The following LRRIQ3 variants were observed in gnomAD, a reference collection of about 807,000 sequenced individuals.
The protein encoded by LRRIQ3 is leucine-rich repeat and IQ domain-containing protein 3.
Under a neutral mutation model 59.3 loss-of-function variants are expected in LRRIQ3, and 75 were observed. That is an observed-to-expected ratio of 1.26 (90% CI 1.05 to 1.53). The LOEUF (loss-of-function observed/expected upper bound fraction) is 1.53, where lower values mean the gene tolerates loss of function less well. LRRIQ3 is among the 40% of genes most tolerant of loss of function. LRRIQ3 has a pLI of 0.00. For synonymous variants in LRRIQ3, 250 were observed against 231.3 expected (o/e 1.08, Z -0.73); for missense variants, 831 against 710.0 (o/e 1.17, Z -1.94).
intron 6 of LRRIQ3, among the ~76,000 whole-genome samples, chr1:74,068,466 T>C (rs1654928215): frequency 6.6e-6 from 1 of 151,550 alleles, no homozygotes; most frequent in Non-Finnish European, 1.5e-5. Flanking sequence ...ACATAATTTT[T>C]ACATAACTGC....
intron 4 of LRRIQ3, among the ~76,000 whole-genome samples, chr1:74,140,335 A>T (rs956435267): frequency 6.6e-6 from 1 of 151,896 alleles, no homozygotes; most frequent in Non-Finnish European, 1.5e-5. Context: ...GAGTCATTTC[A>T]TAAAGATAAA....
intron 7 of LRRIQ3, among the ~76,000 whole-genome samples, chr1:74,039,966 G>T (rs536562595): frequency 1.3e-5 from 2 of 152,094 alleles, no homozygotes; most frequent in African/African-American, 4.8e-5. Flanking sequence ...TGGGCTAAAT[G>T]CCCCAATTAA....
chr1:74,058,837 T>C (rs1249080163), intron 6 of LRRIQ3, among the ~76,000 whole-genome samples: 1 of 152,066 alleles, frequency 6.6e-6, no homozygotes, highest in Non-Finnish European at 1.5e-5. Flanking sequence ...CCCATAAATA[T>C]GTATAATTAT....
chr1:74,122,814 C>T (rs1031867850), intron 4 of LRRIQ3, among the ~76,000 whole-genome samples: 1 of 152,008 alleles, frequency 6.6e-6, no homozygotes, highest in Non-Finnish European at 1.5e-5. Flanking sequence ...GCAACAAAAG[C>T]CAAAATTGAC....
At chr1:74,052,673 T>G (rs1429299715) in intron 6 of LRRIQ3, among the ~76,000 whole-genome samples, 1 of 152,168 alleles carries the variant, frequency 6.6e-6, no homozygotes, top group Non-Finnish European at 1.5e-5. Context: ...AATACAGATT[T>G]ACTATCTTTA....
At chr1:74,067,379 G>A (rs144453737) in intron 6 of LRRIQ3, among the ~76,000 whole-genome samples, 298 of 152,190 alleles carry the variant, frequency 2.0e-3, no homozygotes, top group South Asian at 0.012. Context: ...TCTGCTTTCC[G>A]TGTGGAGTTA....
At chr1:74,184,463 A>G (rs1225372567) in intron 1 of LRRIQ3, among the ~76,000 whole-genome samples, 1 of 152,176 alleles carries the variant, frequency 6.6e-6, no homozygotes, top group Admixed American at 6.5e-5. Context: ...AGTATGTTTT[A>G]AGATCAACAT....
intron 6 of LRRIQ3, among the ~76,000 whole-genome samples, chr1:74,073,230 T>C (rs1655075673): frequency 6.6e-6 from 1 of 152,068 alleles, no homozygotes; most frequent in South Asian, 2.1e-4. Context: ...CCAAGACTTT[T>C]GGCCAGGCAA....
At chr1:74,035,785 T>C (rs1168051151) in intron 7 of LRRIQ3, among the ~76,000 whole-genome samples, 1 of 152,114 alleles carries the variant, frequency 6.6e-6, no homozygotes, top group East Asian at 1.9e-4. Context: ...CTACTCTTCA[T>C]AAACTTTCTG....
Position 74,183,547 on chromosome 1 carries a change from C to CA in LRRIQ3, c.137dup (p.Leu46PhefsTer8). On this transcript the variant is annotated frameshift_variant, in exon 2 of 8. Transcript: ENST00000354431. LOFTEE classifies it high-confidence loss of function. ...ATACTCTAAGAGAGATGCAAGACTG[C>CA]AAATTTTCCATAGACTTTAAATGAA... 6.2e-7 allele frequency: 1 copy of CA among 1,612,078 alleles called. No homozygotes were observed. The highest frequency in any genetic ancestry group is 8.5e-7 in the Non-Finnish European group (1 of 1,178,874).
rs377682283 is a variant in LRRIQ3, at chr1:74,026,955, T to C, written c.1733A>G (p.Tyr578Cys). Residue 578 changes from tyrosine to cysteine, a missense_variant, in exon 8 of 8, where the codon TAT becomes TGT. Coordinates refer to ENST00000354431, the MANE Select transcript of LRRIQ3 (RefSeq NM_001105659.2). Reference protein sequence around the residue: ...EMKKVRSQEIYKRHCEEKFVM... With the variant: ...EMKKVRSQEICKRHCEEKFVM... ...AAATTTTTCTTCACAATGTCTTTTA[T>C]ATATTTCTTGAGATCTAAGAGGAGA... 4.5e-6 allele frequency: 7 copies of C among 1,562,104 alleles called. No homozygotes were observed. The highest frequency in any genetic ancestry group is 1.8e-5 in the Admixed American group (1 of 54,670).
intron 1 of LRRIQ3, among the ~76,000 whole-genome samples, chr1:74,187,575 G>A (rs1650484818): frequency 6.6e-6 from 1 of 152,002 alleles, no homozygotes; most frequent in South Asian, 2.1e-4. Context: ...TGTACTTTGA[G>A]GACTCAAGGG....
At chr1:74,190,064 G>C (rs934831203) in intron 1 of LRRIQ3, among the ~76,000 whole-genome samples, 2 of 152,068 alleles carry the variant, frequency 1.3e-5, no homozygotes, top group Non-Finnish European at 2.9e-5. Context: ...TTAGAAAGCT[G>C]AACAAACTAA....
At chr1:74,122,903 T>C (rs953960746) in intron 4 of LRRIQ3, among the ~76,000 whole-genome samples, 2 of 152,084 alleles carry the variant, frequency 1.3e-5, no homozygotes, top group East Asian at 1.9e-4. Context: ...ACCTACAGAA[T>C]GGGAGAAAAA....
chr1:74,076,449 T>C (rs1646210831), intron 5 of LRRIQ3, among the ~76,000 whole-genome samples: 1 of 152,172 alleles, frequency 6.6e-6, no homozygotes, highest in African/African-American at 2.4e-5. Flanking sequence ...TCCAAATATA[T>C]TAGTTCTTAG....
intron 1 of LRRIQ3, among the ~76,000 whole-genome samples, chr1:74,197,127 G>C (rs906093962): frequency 1.3e-5 from 2 of 152,122 alleles, no homozygotes; most frequent in Non-Finnish European, 2.9e-5. Context: ...CTATGAAAGA[G>C]TAATCTAATC....
chr1:74,132,224 G>A (rs554671827), intron 4 of LRRIQ3, among the ~76,000 whole-genome samples: 11 of 152,106 alleles, frequency 7.2e-5, no homozygotes, highest in Non-Finnish European at 1.5e-4. Flanking sequence ...AAATAAAAGA[G>A]GACACAAACA....
At chr1:74,095,629 C>T (rs1049378643) in intron 5 of LRRIQ3, among the ~76,000 whole-genome samples, 1 of 151,960 alleles carries the variant, frequency 6.6e-6, no homozygotes. Context: ...AGTAAGAATG[C>T]TTTTTTATGT....
intron 4 of LRRIQ3, among the ~76,000 whole-genome samples, chr1:74,136,526 C>T (rs1647126921): frequency 6.6e-6 from 1 of 151,730 alleles, no homozygotes; most frequent in African/African-American, 2.4e-5. Flanking sequence ...TTCAAGAATC[C>T]ATAAAGAAGA....
Sources: gnomAD v4.1 joint callset for allele counts (sites outside exome capture counted in the v4.1 genomes callset) on GRCh38, gnomAD v4.1.1 for gene constraint, MANE v1.5 for transcripts, NCBI Gene and HGNC (gene_info 2026-07-23, HGNC 2026-07-21) for gene names.